Variants in DAB2IP observed in about 807,000 individuals in gnomAD.
The protein encoded by DAB2IP is disabled homolog 2-interacting protein.
In DAB2IP, 28 loss-of-function variants were observed where a neutral mutation model predicts 107.2. The ratio of observed to expected loss-of-function variants is 0.26; its 90% CI spans 0.19 to 0.36. The LOEUF (loss-of-function observed/expected upper bound fraction) is 0.36, where lower values mean the gene tolerates loss of function less well. Among genes scored for constraint, DAB2IP ranks in the 10% least tolerant of loss-of-function variants. DAB2IP has a pLI of 1.00. For synonymous variants in DAB2IP, 755 were observed against 706.4 expected (o/e 1.07, Z -1.09); for missense variants, 1,400 against 1,644.7 (o/e 0.85, Z 2.57).
At chr9:121,583,577 G>A (rs1046113945) in intron 1 of DAB2IP, among the ~76,000 whole-genome samples, 6 of 151,988 alleles carry the variant, frequency 3.9e-5, no homozygotes, top group African/African-American at 1.5e-4. Context: ...CCAGAGGCAG[G>A]GTCCTGGGCA....
intron 1 of DAB2IP, among the ~76,000 whole-genome samples, chr9:121,573,259 T>C (rs776199524): frequency 2.6e-5 from 4 of 151,868 alleles, no homozygotes; most frequent in Non-Finnish European, 5.9e-5. Flanking sequence ...AATTTTTTGG[T>C]AGAGGCGGGG....
intron 2 of DAB2IP, among the ~76,000 whole-genome samples, chr9:121,688,097 TG>T (rs1257393288): frequency 1.3e-5 from 2 of 152,146 alleles, no homozygotes; most frequent in Non-Finnish European, 2.9e-5. Flanking sequence ...TCCTGCCCTG[TG>T]GCCCTGCAGG....
At chr9:121,774,945 G>A (rs1055329330) in intron 13 of DAB2IP, among the ~76,000 whole-genome samples, 2 of 152,176 alleles carry the variant, frequency 1.3e-5, no homozygotes, top group Non-Finnish European at 2.9e-5. Context: ...TACCAGCTTG[G>A]GGGGTGGGGT....
chr9:121,747,991 C>G lies in DAB2IP; in HGVS notation c.363-9022C>G, dbSNP rs531426589. Among the ~76,000 whole-genome samples the G allele has an allele frequency of 2.6e-5, 4 of 152,272 alleles. No individual in the cohort carries two copies. The South Asian group carries it at 8.3e-4, about 32-fold the overall frequency. ...TTGAAGGCTGCCTCTCATTCAGGAG[C>G]CAGTACCAGCGCCCTCTCGAATCCC... On this transcript the variant is annotated intron_variant, in intron 3 of 15. Transcript: ENST00000408936.
chr9:121,696,992 G>A (rs1829461740), intron 2 of DAB2IP, among the ~76,000 whole-genome samples: 1 of 152,184 alleles, frequency 6.6e-6, no homozygotes, highest in Non-Finnish European at 1.5e-5. Context: ...GCACATAATG[G>A]CTCTCATTAA....
intron 2 of DAB2IP, among the ~76,000 whole-genome samples, chr9:121,692,816 A>C (rs1354180207): frequency 6.6e-6 from 1 of 152,146 alleles, no homozygotes; most frequent in Admixed American, 6.5e-5. Context: ...CATACCCTTG[A>C]GGGGAGGAGG....
rs1194312123 is a variant in DAB2IP, at chr9:121,651,731, G to A, written c.-45G>A. 5.0e-6 allele frequency: 6 copies of A among 1,211,450 alleles called. No homozygotes were observed. The East Asian group carries it at 1.1e-4, about 22-fold the overall frequency. 75.0% of individuals were successfully genotyped at this position (1,211,450 alleles called of 1,614,324 possible). A position where few individuals can be genotyped will look rare whatever the true frequency, so the allele number is the denominator to read the frequency against. On this transcript the variant is annotated 5_prime_UTR_variant, in exon 1 of 16. It adds an upstream start codon to the 5' untranslated region. Coordinates refer to ENST00000408936, the Ensembl canonical transcript of DAB2IP. This position sits in a 1 kb window ranked among gnomAD's most constrained non-coding sequence, Gnocchi z 5.1. ...CTGTCCGGAGCGGCCGATGGGGCCC[G>A]TGTGAGCGCGCCCAGGCCCGGCCCG...
intron 3 of DAB2IP, among the ~76,000 whole-genome samples, chr9:121,735,978 A>G (rs1831872004): frequency 6.6e-6 from 1 of 152,118 alleles, no homozygotes. Flanking sequence ...CCTTCCCTGC[A>G]CCCGACCTTT....
At position 121,633,572 on chromosome 9, in the gene DAB2IP, C is replaced by T. The variant is rs971834294; in HGVS notation, c.41-45106C>T. On this transcript the variant is annotated intron_variant, in intron 1 of 16. Transcript: ENST00000259371. The surrounding 1 kb of genome is among the most constrained non-coding windows in gnomAD (Gnocchi z 5.1). ...GTGTGAAATCCTGGAATGGGCTGCT[C>T]TGGGAACTCGAGGAGACTCTTTTCA... 6.6e-6 allele frequency among the ~76,000 whole-genome samples: 1 copy of T among 152,182 alleles called. No homozygotes were observed. Among genetic ancestry groups the T allele is most frequent in the Admixed American group, 6.5e-5 (1 of 15,270 alleles).
At chr9:121,743,694 T>A (rs537346244) in intron 3 of DAB2IP, among the ~76,000 whole-genome samples, 1 of 152,290 alleles carries the variant, frequency 6.6e-6, no homozygotes, top group South Asian at 2.1e-4. Context: ...TTCCCGAGCC[T>A]GGTGGCTATG....
intron 2 of DAB2IP, among the ~76,000 whole-genome samples, chr9:121,679,630 A>C (rs548280435): frequency 6.6e-6 from 1 of 152,134 alleles, no homozygotes; most frequent in African/African-American, 2.4e-5. Flanking sequence ...TCATTCACTC[A>C]TCAGTTATTC....
chr9:121,757,983 C>A (rs1378532862), intron 4 of DAB2IP, among the ~76,000 whole-genome samples: 1 of 152,224 alleles, frequency 6.6e-6, no homozygotes, highest in Non-Finnish European at 1.5e-5. Context: ...CTGGCACCTG[C>A]CCCATACCCT....
intron 2 of DAB2IP, among the ~76,000 whole-genome samples, chr9:121,680,422 G>A (rs1400492092): frequency 6.6e-6 from 1 of 152,214 alleles, no homozygotes; most frequent in Non-Finnish European, 1.5e-5. Flanking sequence ...TGAGCCCATG[G>A]GCAATGAGGA....
At chr9:121,622,921 T>C (rs1564117423) in intron 1 of DAB2IP, among the ~76,000 whole-genome samples, 1 of 152,066 alleles carries the variant, frequency 6.6e-6, no homozygotes, top group Non-Finnish European at 1.5e-5. Context: ...TTGACTTACT[T>C]TGATTCCCTT....
chr9:121,622,373 G>A (rs1237837247), intron 1 of DAB2IP, among the ~76,000 whole-genome samples: 1 of 152,182 alleles, frequency 6.6e-6, no homozygotes, highest in Non-Finnish European at 1.5e-5. Flanking sequence ...TCTACAAGAG[G>A]GGGATCTTGC....
intron 1 of DAB2IP, among the ~76,000 whole-genome samples, chr9:121,644,465 C>T (rs994003531): frequency 6.6e-6 from 1 of 152,014 alleles, no homozygotes; most frequent in Non-Finnish European, 1.5e-5. Context: ...GGCGTGGTGA[C>T]ACACGCCTGT....
At chr9:121,658,799 T>C (rs1284709143) in intron 1 of DAB2IP, among the ~76,000 whole-genome samples, 5 of 152,184 alleles carry the variant, frequency 3.3e-5, no homozygotes, top group Non-Finnish European at 7.3e-5. Context: ...GCGGCGGTGC[T>C]CAGTCTCCGA....
intron 3 of DAB2IP, among the ~76,000 whole-genome samples, chr9:121,754,657 T>C (rs995295062): frequency 2.6e-5 from 4 of 152,166 alleles, no homozygotes; most frequent in Admixed American, 2.6e-4. Context: ...CAGAGCATGC[T>C]TGTGGGACAT....
intron 3 of DAB2IP, among the ~76,000 whole-genome samples, chr9:121,755,492 A>G (rs1047263187): frequency 1.3e-5 from 2 of 152,056 alleles, no homozygotes; most frequent in African/African-American, 4.8e-5. Flanking sequence ...CTGGGTGTGG[A>G]GAGGCAGAGG....
Sources: gnomAD v4.1 joint callset for allele counts (sites outside exome capture counted in the v4.1 genomes callset) on GRCh38, gnomAD v4.1.1 for gene constraint, Gnocchi (gnomAD v3.1) non-coding constraint, MANE v1.5 for transcripts, NCBI Gene and HGNC (gene_info 2026-07-23, HGNC 2026-07-21) for gene names.